PDE4D: variants seen among roughly 807,000 people sequenced by gnomAD.
The protein encoded by PDE4D is phosphodiesterase 4D.
Under a neutral mutation model 87.4 loss-of-function variants are expected in PDE4D, and 24 were observed. The observed-to-expected ratio is 0.27, with a 90% CI of 0.20 to 0.39. The LOEUF (loss-of-function observed/expected upper bound fraction) is 0.39. Among genes scored for constraint, PDE4D ranks in the 10% least tolerant of loss-of-function variants. PDE4D has a pLI of 1.00. For synonymous variants in PDE4D, 384 were observed against 383.2 expected (o/e 1.00, Z -0.02); for missense variants, 714 against 1,041.0 (o/e 0.69, Z 4.32).
chr5:59,347,824 T>G (rs1220820458), intron 1 of PDE4D, among the ~76,000 whole-genome samples: 1 of 152,152 alleles, frequency 6.6e-6, no homozygotes, highest in Non-Finnish European at 1.5e-5. Context: ...GAGGTCAATA[T>G]TTATATGGTT....
chr5:60,339,490 A>C (rs1340116714), intron 1 of PDE4D, among the ~76,000 whole-genome samples: 1 of 152,100 alleles, frequency 6.6e-6, no homozygotes, highest in Non-Finnish European at 1.5e-5. Context: ...AAAACTTACG[A>C]ATTGTGTATC....
At chr5:60,435,712 TGCTTA>T (rs1476004338) in intron 1 of PDE4D, among the ~76,000 whole-genome samples, 1 of 152,094 alleles carries the variant, frequency 6.6e-6, no homozygotes, top group Non-Finnish European at 1.5e-5. Flanking sequence ...TGACTCTCTT[TGCTTA>T]GAAGTCTATG....
chr5:60,241,458 G>C (rs1747114983), intron 1 of PDE4D, among the ~76,000 whole-genome samples: 1 of 151,872 alleles, frequency 6.6e-6, no homozygotes, highest in African/African-American at 2.4e-5. Flanking sequence ...ATTTTTAGTA[G>C]AGACGTGGTT....
chr5:59,526,539 A>C (rs1359890334), intron 1 of PDE4D, among the ~76,000 whole-genome samples: 1 of 152,230 alleles, frequency 6.6e-6, no homozygotes, highest in Non-Finnish European at 1.5e-5. Flanking sequence ...CTGTTTCAGG[A>C]GGTTGACATG....
chr5:60,120,658 T>C (rs1778591733), intron 2 of PDE4D, among the ~76,000 whole-genome samples: 1 of 152,146 alleles, frequency 6.6e-6, no homozygotes, highest in African/African-American at 2.4e-5. Flanking sequence ...TAAGAGAGTA[T>C]TGCAGCCCTG....
At chr5:59,373,668 C>T (rs1011656089) in intron 1 of PDE4D, among the ~76,000 whole-genome samples, 3 of 152,120 alleles carry the variant, frequency 2.0e-5, no homozygotes, top group South Asian at 2.1e-4. Context: ...CATTTAAATT[C>T]AGGAAATGCA....
intron 1 of PDE4D, among the ~76,000 whole-genome samples, chr5:59,842,930 T>C (rs555280911): frequency 2.6e-5 from 4 of 152,140 alleles, no homozygotes; most frequent in Admixed American, 2.6e-4. Context: ...ATGTACCTAA[T>C]GGCTACACTG....
At chr5:59,202,587 C>G (rs1747740620) in intron 2 of PDE4D, among the ~76,000 whole-genome samples, 1 of 151,804 alleles carries the variant, frequency 6.6e-6, no homozygotes, top group Admixed American at 6.6e-5. Context: ...AATTTTAACT[C>G]CGACAACTTC....
intron 1 of PDE4D, among the ~76,000 whole-genome samples, chr5:59,380,661 T>G (rs1785621277): frequency 6.6e-6 from 1 of 152,188 alleles, no homozygotes; most frequent in Non-Finnish European, 1.5e-5. Flanking sequence ...CTCTAGTGTT[T>G]AAATTCATCA....
chr5:59,835,554 A>G (rs1165000462), intron 1 of PDE4D, among the ~76,000 whole-genome samples: 1 of 152,060 alleles, frequency 6.6e-6, no homozygotes, highest in African/African-American at 2.4e-5. Flanking sequence ...GTATTTCATA[A>G]TCATACACAC....
intron 1 of PDE4D, among the ~76,000 whole-genome samples, chr5:59,609,505 C>G (rs1828702670): frequency 6.6e-6 from 1 of 151,848 alleles, no homozygotes; most frequent in Non-Finnish European, 1.5e-5. Context: ...CTGGGGGAAA[C>G]CACTGAGGTC....
intron 1 of PDE4D, among the ~76,000 whole-genome samples, chr5:60,305,292 G>A (rs1052448033): frequency 5.3e-5 from 8 of 151,912 alleles, no homozygotes; most frequent in South Asian, 2.1e-4. Flanking sequence ...AAGGGAGAGA[G>A]AATTTTTTTA....
intron 2 of PDE4D, among the ~76,000 whole-genome samples, chr5:60,106,192 G>A (rs1776891539): frequency 6.6e-6 from 1 of 151,326 alleles, no homozygotes. Context: ...AGCAAAAAAA[G>A]GCAGGGGTTG....
chr5:59,969,449 G>C (rs779387413), intron 3 of PDE4D, among the ~76,000 whole-genome samples: 11 of 152,280 alleles, frequency 7.2e-5, no homozygotes, highest in Admixed American at 2.0e-4. Flanking sequence ...TGGAGGGAAA[G>C]GAGTACTCTC....
chr5:60,490,156 C>T (rs954553404), upstream of PDE4D: 3 of 152,248 alleles, frequency 2.0e-5, no homozygotes, highest in African/African-American at 7.2e-5. Flanking sequence ...CAACTTCAAG[C>T]TGCTCATCTG....
intron 2 of PDE4D, among the ~76,000 whole-genome samples, chr5:60,042,321 C>T (rs1768613947): frequency 6.6e-6 from 1 of 152,188 alleles, no homozygotes; most frequent in African/African-American, 2.4e-5. Context: ...ATAAAATTCC[C>T]ATCTCCCTGG....
intron 3 of PDE4D, among the ~76,000 whole-genome samples, chr5:59,191,852 C>T (rs1051158804): frequency 2.6e-5 from 4 of 152,074 alleles, no homozygotes; most frequent in East Asian, 3.9e-4. Flanking sequence ...ATTACAGGTA[C>T]GAGCCACCGC....
chr5:60,253,961 T>C (rs1748760000), intron 1 of PDE4D, among the ~76,000 whole-genome samples: 1 of 151,944 alleles, frequency 6.6e-6, no homozygotes, highest in Non-Finnish European at 1.5e-5. Flanking sequence ...ATCAACATAT[T>C]ATACTTTAAG....
At chr5:60,060,691 C>A (rs754318552) in intron 2 of PDE4D, among the ~76,000 whole-genome samples, 9 of 151,976 alleles carry the variant, frequency 5.9e-5, no homozygotes, top group Non-Finnish European at 1.3e-4. Context: ...TGGGACCTGG[C>A]TATTAAATGT....
Sources: allele counts gnomAD v4.1 joint callset (sites outside exome capture counted in the v4.1 genomes callset), GRCh38; gene constraint gnomAD v4.1.1; transcripts MANE v1.5; gene names NCBI Gene and HGNC (gene_info 2026-07-23, HGNC 2026-07-21).